TAFA4: variants seen among roughly 807,000 people sequenced by gnomAD.
TAFA4 encodes TAFA chemokine like family member 4.
TAFA4 carries 20 observed loss-of-function variants against 21.1 expected under a neutral mutation model. That is an observed-to-expected ratio of 0.95 (90% CI 0.67 to 1.38). TAFA4 has a LOEUF of 1.38. Among genes scored for constraint, TAFA4 ranks in the 40% most tolerant of loss-of-function variants. The pLI is 0.00. For synonymous variants in TAFA4, 71 were observed against 67.4 expected, an observed-to-expected ratio of 1.05 and a Z score of -0.26; for missense variants, 211 against 180.9, an observed-to-expected ratio of 1.17 and a Z score of -0.95.
At chr3:68,836,609 C>G (rs949319299) in intron 3 of TAFA4, among the ~76,000 whole-genome samples, 4 of 152,190 alleles carry the variant, frequency 2.6e-5, no homozygotes, top group African/African-American at 4.8e-5. Context: ...CTACTACATT[C>G]CAGGAACTCT....
At chr3:68,874,500 A>T (rs2089523776) in intron 3 of TAFA4, among the ~76,000 whole-genome samples, 1 of 152,194 alleles carries the variant, frequency 6.6e-6, no homozygotes, top group African/African-American at 2.4e-5. Flanking sequence ...ACTGGCATAC[A>T]GATGAGGTAT....
intron 3 of TAFA4, among the ~76,000 whole-genome samples, chr3:68,780,993 T>G (rs76181629): frequency 1.4e-4 from 22 of 152,122 alleles, no homozygotes; most frequent in African/African-American, 5.1e-4. Context: ...AGAATAGTAT[T>G]TGGAAAAATC....
chr3:68,900,578 T>G (rs1238860360), intron 1 of TAFA4, among the ~76,000 whole-genome samples: 1 of 152,098 alleles, frequency 6.6e-6, no homozygotes, highest in Non-Finnish European at 1.5e-5. Context: ...ATTTTAGTCT[T>G]TTCTTCTTGG....
chr3:68,847,946 G>T (rs576258915), intron 3 of TAFA4, among the ~76,000 whole-genome samples: 1 of 152,150 alleles, frequency 6.6e-6, no homozygotes, highest in African/African-American at 2.4e-5. Context: ...TCTACTTTGC[G>T]TCAAGACCTA....
chr3:68,892,697 G>A (rs921014229), intron 1 of TAFA4, among the ~76,000 whole-genome samples: 1 of 152,208 alleles, frequency 6.6e-6, no homozygotes, highest in African/African-American at 2.4e-5. Context: ...TTTAAGAACT[G>A]AGAAATTCCT....
chr3:68,904,790 C>T (rs571262873), intron 1 of TAFA4, among the ~76,000 whole-genome samples: 1 of 152,192 alleles, frequency 6.6e-6, no homozygotes, highest in African/African-American at 2.4e-5. Flanking sequence ...GACTCAGGGG[C>T]ATTAACTTCC....
chr3:68,871,138 G>A (rs2089477215), intron 3 of TAFA4, among the ~76,000 whole-genome samples: 1 of 152,096 alleles, frequency 6.6e-6, no homozygotes, highest in African/African-American at 2.4e-5. Flanking sequence ...TATTGTGGAA[G>A]ACAGTGTGGC....
At chr3:68,897,778 C>T (rs1187762363) in intron 1 of TAFA4, among the ~76,000 whole-genome samples, 1 of 152,128 alleles carries the variant, frequency 6.6e-6, no homozygotes, top group African/African-American at 2.4e-5. Flanking sequence ...TCAGATTGTC[C>T]TAAGAGTCTC....
chr3:68,829,746 T>C (rs1009267526), intron 3 of TAFA4, among the ~76,000 whole-genome samples: 2 of 152,208 alleles, frequency 1.3e-5, no homozygotes, highest in Non-Finnish European at 2.9e-5. Context: ...TTGATTGAAA[T>C]AGTTTCACAA....
chr3:68,821,791 T>C (rs992374606), intron 3 of TAFA4, among the ~76,000 whole-genome samples: 1 of 152,188 alleles, frequency 6.6e-6, no homozygotes, highest in African/African-American at 2.4e-5. Flanking sequence ...TCAGGTGTTT[T>C]ACCCTTATGT....
At chr3:68,909,662 T>G (rs773322149) in intron 1 of TAFA4, among the ~76,000 whole-genome samples, 16 of 152,220 alleles carry the variant, frequency 1.1e-4, no homozygotes, top group Non-Finnish European at 1.8e-4. Flanking sequence ...GCTTTCCAGA[T>G]CTGCTAAAAG....
At chr3:68,782,201 T>C (rs1428869489) in intron 3 of TAFA4, among the ~76,000 whole-genome samples, 2 of 152,114 alleles carry the variant, frequency 1.3e-5, no homozygotes, top group African/African-American at 4.8e-5. Flanking sequence ...TGAATAGATA[T>C]TTCTCCAAAG....
At chr3:68,746,851 TC>T in intron 4 of TAFA4, among the ~76,000 whole-genome samples, 1 of 152,306 alleles carries the variant, frequency 6.6e-6, no homozygotes, top group East Asian at 1.9e-4. Flanking sequence ...AACCTCTAAG[TC>T]AGGGTTTCTC....
chr3:68,748,216 A>T (rs1702494281), intron 4 of TAFA4, among the ~76,000 whole-genome samples: 1 of 152,260 alleles, frequency 6.6e-6, no homozygotes, highest in African/African-American at 2.4e-5. Context: ...ATGATGAATG[A>T]ACCAACGTAT....
At chr3:68,835,948 A>G (rs1174526975) in intron 3 of TAFA4, among the ~76,000 whole-genome samples, 1 of 152,090 alleles carries the variant, frequency 6.6e-6, no homozygotes, top group East Asian at 1.9e-4. Flanking sequence ...CACCTACCAA[A>G]TTGCCCTTTC....
intron 3 of TAFA4, among the ~76,000 whole-genome samples, chr3:68,785,844 G>A (rs547856240): frequency 1.2e-4 from 19 of 152,310 alleles, no homozygotes; most frequent in African/African-American, 2.6e-4. Context: ...CCTCTCACTA[G>A]GGCACTTTTC....
intron 3 of TAFA4, among the ~76,000 whole-genome samples, chr3:68,831,924 A>G (rs1575630728): frequency 6.6e-6 from 1 of 152,068 alleles, no homozygotes; most frequent in African/African-American, 2.4e-5. Context: ...TTATTTCATT[A>G]ATTTGATCTT....
At chr3:68,804,886 G>A (rs1288736495) in intron 3 of TAFA4, among the ~76,000 whole-genome samples, 13 of 152,172 alleles carry the variant, frequency 8.5e-5, no homozygotes, top group Non-Finnish European at 1.5e-5. Flanking sequence ...TCAGGACATA[G>A]GCATGGGCAA....
At chr3:68,792,502 C>T (rs1703380286) in intron 3 of TAFA4, among the ~76,000 whole-genome samples, 1 of 152,040 alleles carries the variant, frequency 6.6e-6, no homozygotes, top group South Asian at 2.1e-4. Flanking sequence ...CAAACCTCCA[C>T]AGTAGACAAA....
Sources: allele counts gnomAD v4.1 joint callset (sites outside exome capture counted in the v4.1 genomes callset), GRCh38; gene constraint gnomAD v4.1.1; transcripts MANE v1.5; gene names NCBI Gene and HGNC (gene_info 2026-07-23, HGNC 2026-07-21).